CLDN14: variants seen among roughly 807,000 people sequenced by gnomAD.
CLDN14 encodes the protein claudin-14.
Under a neutral mutation model 2.1 loss-of-function variants are expected in CLDN14, and 2 were observed. The ratio of observed to expected loss-of-function variants is 0.96; its 90% CI spans 0.39 to 3.01. CLDN14 has a LOEUF of 3.01. Ranked by LOEUF, CLDN14 falls within the 30% of genes most tolerant of loss-of-function variation. The pLI, the probability that CLDN14 is intolerant of heterozygous loss-of-function variation, is 0.09. For synonymous variants in CLDN14, 136 were observed against 154.4 expected (o/e 0.88, Z 0.88); for missense variants, 298 against 328.0 (o/e 0.91, Z 0.71).
intron 2 of CLDN14, among the ~76,000 whole-genome samples, chr21:36,489,362 C>T (rs1360090343): frequency 6.6e-6 from 1 of 152,056 alleles, no homozygotes; most frequent in Non-Finnish European, 1.5e-5. Flanking sequence ...CACAGTACCT[C>T]CCTCCCTTCT....
Position 36,552,605 on chromosome 21 carries a change from T to C in CLDN14, c.-220+23806A>G, listed in dbSNP as rs563577799. ...AAGGCTCATAACTGAGCCAGAAAAATAAACCTGATTTATGGCCAAACTGGT... is the reference window on the plus strand; with the variant it reads ...AAGGCTCATAACTGAGCCAGAAAAACAAACCTGATTTATGGCCAAACTGGT... On this transcript the variant is annotated intron_variant, in intron 1 of 2. Coordinates refer to the CLDN14 transcript ENST00000342108. 7.2e-5 allele frequency among the ~76,000 whole-genome samples: 11 copies of C among 152,132 alleles called. No homozygotes were observed. In the South Asian group the frequency reaches 2.3e-3, roughly 32 times the overall value.
At chr21:36,469,410 T>A (rs1341503540) in intron 1 of CLDN14, among the ~76,000 whole-genome samples, 1 of 152,194 alleles carries the variant, frequency 6.6e-6, no homozygotes, top group African/African-American at 2.4e-5. Flanking sequence ...GAGTCTTTGA[T>A]GCACTCTTTC....
chr21:36,560,806 C>T (rs1275548295), intron 1 of CLDN14, among the ~76,000 whole-genome samples: 1 of 84,710 alleles, frequency 1.2e-5, no homozygotes, highest in East Asian at 2.7e-4. Flanking sequence ...TCTTCCTTAA[C>T]AAGTCCCTAT....
At chr21:36,540,096 C>T (rs1016444250) in intron 1 of CLDN14, among the ~76,000 whole-genome samples, 12 of 142,848 alleles carry the variant, frequency 8.4e-5, no homozygotes, top group African/African-American at 2.1e-4. Context: ...TGGTGTGGTC[C>T]GTGTGTGAAG....
intron 2 of CLDN14, among the ~76,000 whole-genome samples, chr21:36,489,131 AATATATAT>A (rs1555847001): frequency 3.2e-5 from 2 of 62,748 alleles, no homozygotes; most frequent in East Asian, 4.1e-4. Context: ...AAAAAAAAAA[AATATATAT>A]ATATATATAT....
At chr21:36,523,746 T>TAA (rs775431075) in intron 1 of CLDN14, among the ~76,000 whole-genome samples, 3,992 of 42,866 alleles carry the variant, frequency 0.093, 806 homozygotes, top group African/African-American at 0.29. Context: ...AGACTCCATC[T>TAA]AAAAAAAAAA....
chr21:36,490,944 GCACAGACACA>G (rs1219263819), intron 2 of CLDN14, among the ~76,000 whole-genome samples: 1 of 105,544 alleles, frequency 9.5e-6, no homozygotes, highest in African/African-American at 3.9e-5. Context: ...ACATGCAAGT[GCACAGACACA>G]CACACACACA....
At chr21:36,514,817 C>T (rs1363151468) in intron 1 of CLDN14, among the ~76,000 whole-genome samples, 1 of 151,918 alleles carries the variant, frequency 6.6e-6, no homozygotes, top group African/African-American at 2.4e-5. Flanking sequence ...GCCTTGCCTC[C>T]AGCTTGAAAT....
intron 1 of CLDN14, among the ~76,000 whole-genome samples, chr21:36,515,291 G>C (rs999074805): frequency 2.0e-5 from 3 of 152,126 alleles, no homozygotes; most frequent in Admixed American, 2.0e-4. Context: ...GTAGCCAAAA[G>C]GTTGAAACAA....
At chr21:36,476,696 C>A (rs958379020) in intron 1 of CLDN14, among the ~76,000 whole-genome samples, 2 of 152,226 alleles carry the variant, frequency 1.3e-5, no homozygotes, top group Admixed American at 1.3e-4. Flanking sequence ...CATGATCCAC[C>A]CGCCTTGGAC....
At chr21:36,515,672 CAA>C (rs112275304) in intron 1 of CLDN14, among the ~76,000 whole-genome samples, 27 of 85,244 alleles carry the variant, frequency 3.2e-4, no homozygotes, top group South Asian at 2.5e-3. Context: ...GTCTCCATCT[CAA>C]AAAAAAAAAA....
chr21:36,539,878 A>C (rs992619553), intron 1 of CLDN14, among the ~76,000 whole-genome samples: 3 of 145,580 alleles, frequency 2.1e-5, no homozygotes, highest in African/African-American at 7.7e-5. Flanking sequence ...GTATGTCTGC[A>C]GATGAGCGTC....
chr21:36,552,507 G>A (rs1001217861), intron 1 of CLDN14, among the ~76,000 whole-genome samples: 2 of 152,258 alleles, frequency 1.3e-5, no homozygotes, highest in African/African-American at 4.8e-5. Flanking sequence ...GGTCACTAAT[G>A]ACATTTGCTG....
intron 1 of CLDN14, among the ~76,000 whole-genome samples, chr21:36,567,079 T>A (rs1439019504): frequency 1.3e-5 from 2 of 152,236 alleles, no homozygotes; most frequent in Non-Finnish European, 2.9e-5. Flanking sequence ...GGCCCTGGAT[T>A]GCATCAAGTA....
intron 1 of CLDN14, among the ~76,000 whole-genome samples, chr21:36,531,297 T>A (rs1042679128): frequency 6.6e-6 from 1 of 151,870 alleles, no homozygotes; most frequent in Non-Finnish European, 1.5e-5. Context: ...AAATGTTTTT[T>A]TTTTTTTGAG....
chr21:36,509,100 G>T (rs2087160404), intron 2 of CLDN14, among the ~76,000 whole-genome samples: 1 of 152,216 alleles, frequency 6.6e-6, no homozygotes, highest in South Asian at 2.1e-4. Flanking sequence ...TTTAAACAGT[G>T]TCAAATTATT....
At chr21:36,471,483 G>A (rs117651866) in intron 1 of CLDN14, among the ~76,000 whole-genome samples, 3,080 of 152,124 alleles carry the variant, frequency 0.02, 51 homozygotes, top group Middle Eastern at 0.041. Flanking sequence ...TGTGCAATTG[G>A]CTGGGGTATA....
upstream of CLDN14, among the ~76,000 whole-genome samples, chr21:36,482,065 A>G (rs763338782): frequency 1.7e-4 from 26 of 152,058 alleles, no homozygotes; most frequent in Admixed American, 8.5e-4. Flanking sequence ...ACTTCCATCA[A>G]CGTCTGCCCT....
chr21:36,537,279 A>G (rs1034268191), intron 1 of CLDN14, among the ~76,000 whole-genome samples: 4 of 152,202 alleles, frequency 2.6e-5, no homozygotes, highest in African/African-American at 4.8e-5. Context: ...GGGGTTGTCT[A>G]TAAGACAACT....
Sources: gnomAD v4.1 joint callset for allele counts (sites outside exome capture counted in the v4.1 genomes callset) on GRCh38, gnomAD v4.1.1 for gene constraint, MANE v1.5 for transcripts, NCBI Gene and HGNC (gene_info 2026-07-23, HGNC 2026-07-21) for gene names.